Variants in GABRB3 observed in about 807,000 individuals in gnomAD.
The protein encoded by GABRB3 is gamma-aminobutyric acid receptor subunit beta-3.
A neutral mutation model predicts 52.1 loss-of-function variants in GABRB3; 14 were observed. That is an observed-to-expected ratio of 0.27 (90% CI 0.18 to 0.42). The LOEUF (loss-of-function observed/expected upper bound fraction) is 0.42. Ranked by LOEUF, GABRB3 falls within the 10% of genes least tolerant of loss-of-function variation. The pLI is 1.00. For missense variants in GABRB3, 307 were observed against 609.1 expected, an observed-to-expected ratio of 0.50 and a Z score of 5.22; for synonymous variants, 260 against 232.3, an observed-to-expected ratio of 1.12 and a Z score of -1.08.
intron 4 of GABRB3, among the ~76,000 whole-genome samples, chr15:26,588,352 C>A (rs1047891007): frequency 7.2e-5 from 11 of 152,154 alleles, no homozygotes; most frequent in African/African-American, 2.4e-4. Flanking sequence ...CAGTTCTGTG[C>A]CAAGTACTTT....
chr15:26,587,604 T>C (rs982927682), intron 4 of GABRB3, among the ~76,000 whole-genome samples: 1 of 152,118 alleles, frequency 6.6e-6, no homozygotes, highest in Non-Finnish European at 1.5e-5. Context: ...GAATGTGTGC[T>C]CCACCTCTCC....
At chr15:26,599,536 G>A (rs1339296574) in intron 4 of GABRB3, among the ~76,000 whole-genome samples, 1 of 152,204 alleles carries the variant, frequency 6.6e-6, no homozygotes, top group Non-Finnish European at 1.5e-5. Context: ...TGATAGCAGA[G>A]TCCAGCCAGT....
intron 3 of GABRB3, among the ~76,000 whole-genome samples, chr15:26,756,381 A>C (rs2140177734): frequency 6.6e-6 from 1 of 151,506 alleles, no homozygotes; most frequent in South Asian, 2.1e-4. Context: ...CACCCCAGGC[A>C]ACATGGTGAA....
At chr15:26,734,380 T>G (rs1890013178) in intron 3 of GABRB3, among the ~76,000 whole-genome samples, 1 of 151,884 alleles carries the variant, frequency 6.6e-6, no homozygotes, top group Non-Finnish European at 1.5e-5. Context: ...CTTCACAACA[T>G]TGTATTTAGC....
chr15:26,626,643 C>T (rs534927940), intron 3 of GABRB3, among the ~76,000 whole-genome samples: 1 of 152,316 alleles, frequency 6.6e-6, no homozygotes, highest in South Asian at 2.1e-4. Context: ...CCATAACGTT[C>T]CCTTAAGTCA....
At chr15:26,683,558 A>C (rs1474956259) in intron 3 of GABRB3, among the ~76,000 whole-genome samples, 2 of 152,220 alleles carry the variant, frequency 1.3e-5, no homozygotes, top group Non-Finnish European at 2.9e-5. Flanking sequence ...AGGTGCAGAC[A>C]TGATTGTCGT....
At chr15:26,659,639 T>C (rs1056370827) in intron 3 of GABRB3, among the ~76,000 whole-genome samples, 2 of 152,214 alleles carry the variant, frequency 1.3e-5, no homozygotes, top group Non-Finnish European at 2.9e-5. Context: ...ATATACCATT[T>C]TCCAAACAGG....
At chr15:26,715,462 C>T (rs1226838395) in intron 3 of GABRB3, among the ~76,000 whole-genome samples, 1 of 152,002 alleles carries the variant, frequency 6.6e-6, no homozygotes, top group Non-Finnish European at 1.5e-5. Context: ...GGAGAGAAAA[C>T]CCACACGATG....
In GABRB3 at chr15:26,547,607, T is replaced by C. The variant is rs1595428305; in HGVS notation, c.*186A>G. The C allele has an allele frequency of 1.6e-6, 1 of 619,372 alleles. No homozygotes were observed. Among genetic ancestry groups the C allele is most frequent in the Non-Finnish European group, 2.9e-6 (1 of 349,172 alleles). The allele number at this position is 619,372 out of a possible 1,614,324, so 38.4% of individuals were successfully genotyped here. ...TCCTGTGTGTATAAACATATACACA[T>C]ACATCCTCATATACACGTGTATTTT... is the stretch of plus-strand genomic sequence containing the variant. On this transcript the variant is annotated 3_prime_UTR_variant, in exon 9 of 9. Transcript: ENST00000311550.
intron 6 of GABRB3, among the ~76,000 whole-genome samples, chr15:26,573,656 T>C (rs1890490177): frequency 6.6e-6 from 1 of 152,146 alleles, no homozygotes; most frequent in Non-Finnish European, 1.5e-5. Context: ...TCATAAAAAT[T>C]AAAAACAGTT....
At chr15:26,672,683 C>T (rs1386852476) in intron 3 of GABRB3, among the ~76,000 whole-genome samples, 1 of 152,132 alleles carries the variant, frequency 6.6e-6, no homozygotes, top group Non-Finnish European at 1.5e-5. Context: ...CTGTCCAATA[C>T]CATTGATTTC....
intron 3 of GABRB3, among the ~76,000 whole-genome samples, chr15:26,730,795 C>T (rs1456437021): frequency 1.3e-5 from 2 of 152,148 alleles, no homozygotes; most frequent in East Asian, 1.9e-4. Flanking sequence ...CCATATCGCA[C>T]GAATTGCTCA....
At chr15:26,740,101 C>T (rs1484296935) in intron 3 of GABRB3, among the ~76,000 whole-genome samples, 2 of 152,122 alleles carry the variant, frequency 1.3e-5, no homozygotes, top group Non-Finnish European at 1.5e-5. Flanking sequence ...AAACAACAAT[C>T]GGCAGCTTCC....
chr15:26,591,725 T>C (rs1179771289), intron 4 of GABRB3, among the ~76,000 whole-genome samples: 1 of 152,212 alleles, frequency 6.6e-6, no homozygotes, highest in Non-Finnish European at 1.5e-5. Flanking sequence ...ACTCCAACTA[T>C]CTGGATCTAA....
chr15:26,565,383 A>G (rs1890129807), intron 7 of GABRB3, among the ~76,000 whole-genome samples: 1 of 152,090 alleles, frequency 6.6e-6, no homozygotes, highest in East Asian at 1.9e-4. Context: ...CAGCCCTAAG[A>G]TCACAGCTGC....
chr15:26,637,686 C>G (rs1216441948), intron 3 of GABRB3, among the ~76,000 whole-genome samples: 2 of 152,210 alleles, frequency 1.3e-5, no homozygotes, highest in African/African-American at 2.4e-5. Flanking sequence ...AAAGTTAAAT[C>G]CCAAATCCAG....
At chr15:26,624,379 C>G (rs1042874403) in intron 3 of GABRB3, 1 of 985,494 alleles carries the variant, frequency 1.0e-6, no homozygotes, top group Non-Finnish European at 1.2e-6. Flanking sequence ...CTCCTAACCC[C>G]GCATGCTTAC....
intron 3 of GABRB3, among the ~76,000 whole-genome samples, chr15:26,685,884 A>T (rs1233258186): frequency 6.7e-6 from 1 of 149,916 alleles, no homozygotes; most frequent in African/African-American, 2.5e-5. Flanking sequence ...AGCTCACTGC[A>T]GCCTCAGACT....
chr15:26,597,282 CAT>C (rs1891426769), intron 4 of GABRB3, among the ~76,000 whole-genome samples: 1 of 152,118 alleles, frequency 6.6e-6, no homozygotes, highest in African/African-American at 2.4e-5. Context: ...TAAATTGGCT[CAT>C]GTTTCTTAGA....
Sources: gnomAD v4.1 joint callset for allele counts (sites outside exome capture counted in the v4.1 genomes callset) on GRCh38, gnomAD v4.1.1 for gene constraint, MANE v1.5 for transcripts, NCBI Gene and HGNC (gene_info 2026-07-23, HGNC 2026-07-21) for gene names.